BTBD9: variants seen among roughly 807,000 people sequenced by gnomAD.
BTBD9 encodes BTB/POZ domain-containing protein 9.
Under a neutral mutation model 64.3 loss-of-function variants are expected in BTBD9, and 49 were observed. The ratio of observed to expected loss-of-function variants is 0.76; its 90% CI spans 0.61 to 0.97. The LOEUF (loss-of-function observed/expected upper bound fraction) is 0.97. BTBD9 is among the 50% of genes least tolerant of loss of function. The pLI is 0.00. For synonymous variants in BTBD9, 260 were observed against 274.7 expected (o/e 0.95, Z 0.53); for missense variants, 598 against 762.1 (o/e 0.78, Z 2.53).
chr6:38,179,405 T>G (rs1416235640), intron 10 of BTBD9: 3 of 456,610 alleles, frequency 6.6e-6, no homozygotes, highest in South Asian at 4.6e-5. Flanking sequence ...ACTCTCAGGG[T>G]TCCCTGGAAG....
At chr6:38,309,373 A>G (rs1454981173) in intron 7 of BTBD9, among the ~76,000 whole-genome samples, 1 of 151,828 alleles carries the variant, frequency 6.6e-6, no homozygotes, top group Non-Finnish European at 1.5e-5. Flanking sequence ...CATCTCCCAA[A>G]TAAACAAACA....
chr6:38,216,702 G>A (rs1330833811), intron 9 of BTBD9, among the ~76,000 whole-genome samples: 1 of 152,204 alleles, frequency 6.6e-6, no homozygotes, highest in Non-Finnish European at 1.5e-5. Context: ...TGTTGCAGCT[G>A]TCACTAACAC....
intron 6 of BTBD9, among the ~76,000 whole-genome samples, chr6:38,566,678 G>A (rs956716803): frequency 6.6e-6 from 1 of 152,196 alleles, no homozygotes; most frequent in Non-Finnish European, 1.5e-5. Flanking sequence ...CAGTGTCATT[G>A]TAGTCTATTG....
Position 38,505,240 on chromosome 6 carries a change from C to T in BTBD9, c.1154+72360G>A, listed in dbSNP as rs989856293. On this transcript the variant is annotated intron_variant, in intron 6 of 10. Coordinates refer to ENST00000481247, the MANE Select transcript of BTBD9 (RefSeq NM_001099272.2). Reference sequence around the variant, plus strand: ...GGCTTTAAGCAAATCTACATGCCAACGAATTTTAAGTATCTGTCTATAGAC... The same window carrying T: ...GGCTTTAAGCAAATCTACATGCCAATGAATTTTAAGTATCTGTCTATAGAC... Among the ~76,000 whole-genome samples, 7 of 152,170 alleles carry T rather than the reference C, an allele frequency of 4.6e-5. No individual in the cohort carries two copies. In the East Asian group the frequency reaches 9.6e-4, roughly 21 times the overall value.
intron 6 of BTBD9, among the ~76,000 whole-genome samples, chr6:38,473,859 A>C (rs1012530649): frequency 6.6e-6 from 1 of 152,210 alleles, no homozygotes; most frequent in African/African-American, 2.4e-5. Flanking sequence ...TCTGGTAGTA[A>C]AAACTGAGCT....
intron 6 of BTBD9, among the ~76,000 whole-genome samples, chr6:38,493,343 G>C (rs1771787312): frequency 6.6e-6 from 1 of 152,192 alleles, no homozygotes; most frequent in East Asian, 1.9e-4. Flanking sequence ...GTAAACAGCA[G>C]GGGCTTTTAG....
At chr6:38,478,880 T>A (rs544749998) in intron 6 of BTBD9, among the ~76,000 whole-genome samples, 7 of 152,184 alleles carry the variant, frequency 4.6e-5, no homozygotes, top group African/African-American at 1.7e-4. Context: ...TTTTATCATA[T>A]ATAAAACCAG....
At chr6:38,373,417 T>G (rs756037978) in intron 6 of BTBD9, among the ~76,000 whole-genome samples, 5 of 152,212 alleles carry the variant, frequency 3.3e-5, no homozygotes, top group Admixed American at 6.5e-5. Context: ...CTTAGTATAT[T>G]ACTTAAAGCC....
intron 8 of BTBD9, among the ~76,000 whole-genome samples, chr6:38,259,632 G>A (rs182158868): frequency 1.7e-4 from 26 of 152,250 alleles, no homozygotes; most frequent in Non-Finnish European, 2.6e-4. Context: ...TTGGCCAGGC[G>A]GGGTCAAACT....
At chr6:38,178,919 C>A (rs1178813060) in intron 10 of BTBD9, among the ~76,000 whole-genome samples, 1 of 152,104 alleles carries the variant, frequency 6.6e-6, no homozygotes, top group Non-Finnish European at 1.5e-5. Flanking sequence ...GGGGGGCTAT[C>A]TCAGCTCACT....
intron 9 of BTBD9, among the ~76,000 whole-genome samples, chr6:38,202,326 C>CCA (rs1181498236): frequency 6.6e-6 from 1 of 151,750 alleles, no homozygotes; most frequent in African/African-American, 2.4e-5. Context: ...ACCTAATGAA[C>CCA]CACCTCGGCC....
intron 6 of BTBD9, among the ~76,000 whole-genome samples, chr6:38,543,935 A>C (rs1193596859): frequency 6.6e-6 from 1 of 150,566 alleles, no homozygotes; most frequent in East Asian, 2.0e-4. Flanking sequence ...CCAACCTGGG[A>C]GACACAGCGA....
At chr6:38,501,357 T>C (rs1772189928) in intron 6 of BTBD9, among the ~76,000 whole-genome samples, 1 of 152,202 alleles carries the variant, frequency 6.6e-6, no homozygotes, top group Non-Finnish European at 1.5e-5. Flanking sequence ...AATACAAATA[T>C]TCCAAAATCA....
intron 6 of BTBD9, among the ~76,000 whole-genome samples, chr6:38,455,063 A>C (rs939931528): frequency 1.3e-5 from 2 of 152,170 alleles, no homozygotes; most frequent in Non-Finnish European, 2.9e-5. Context: ...AAAATAAATA[A>C]ATAAATAAAT....
intron 9 of BTBD9, among the ~76,000 whole-genome samples, chr6:38,245,767 A>G (rs1309443276): frequency 2.6e-5 from 4 of 152,216 alleles, no homozygotes; most frequent in Non-Finnish European, 4.4e-5. Flanking sequence ...GGTGAACTAA[A>G]TGTGATCTTG....
intron 1 of BTBD9, among the ~76,000 whole-genome samples, chr6:38,618,387 C>CTTTCTTTTCA (rs1237584526): frequency 1.3e-5 from 2 of 152,218 alleles, no homozygotes; most frequent in Non-Finnish European, 2.9e-5. Flanking sequence ...TATGTCCAAG[C>CTTTCTTTTCA]TTTCTTTTCA....
intron 7 of BTBD9, among the ~76,000 whole-genome samples, chr6:38,308,733 G>C (rs1222733733): frequency 6.6e-6 from 1 of 152,074 alleles, no homozygotes; most frequent in Non-Finnish European, 1.5e-5. Context: ...AGCCTCTGGA[G>C]TAGCTGGGAC....
At chr6:38,637,804 A>G (rs943032170) in intron 1 of BTBD9, among the ~76,000 whole-genome samples, 1 of 152,240 alleles carries the variant, frequency 6.6e-6, no homozygotes, top group African/African-American at 2.4e-5. Context: ...TATTGGTTCA[A>G]GCGTAATATC....
chr6:38,372,099 T>C (rs1055828560), intron 6 of BTBD9, among the ~76,000 whole-genome samples: 1 of 152,200 alleles, frequency 6.6e-6, no homozygotes, highest in Non-Finnish European at 1.5e-5. Context: ...AAAATGCACA[T>C]AATTCACCAT....
Sources: allele counts gnomAD v4.1 joint callset (sites outside exome capture counted in the v4.1 genomes callset), GRCh38; gene constraint gnomAD v4.1.1; transcripts MANE v1.5; gene names NCBI Gene and HGNC (gene_info 2026-07-23, HGNC 2026-07-21).